ZFHX4: variants seen among roughly 807,000 people sequenced by gnomAD.
The protein encoded by ZFHX4 is zinc finger homeobox 4.
ZFHX4 carries 56 observed loss-of-function variants against 267.6 expected under a neutral mutation model. That is an observed-to-expected ratio of 0.21 (90% CI 0.17 to 0.26). The LOEUF (loss-of-function observed/expected upper bound fraction) is 0.26. Ranked by LOEUF, ZFHX4 falls within the 10% of genes least tolerant of loss-of-function variation. The probability of loss-of-function intolerance (pLI) is 1.00; values close to 1 mark genes in which losing one functional copy is unlikely to be tolerated. For missense variants in ZFHX4, 4,332 were observed against 4,420.0 expected, an observed-to-expected ratio of 0.98 and a Z score of 0.56; for synonymous variants, 1,778 against 1,665.6, an observed-to-expected ratio of 1.07 and a Z score of -1.64.
intron 3 of ZFHX4, among the ~76,000 whole-genome samples, chr8:76,719,166 GTGT>G: frequency 1.4e-5 from 2 of 147,378 alleles, no homozygotes; most frequent in African/African-American, 4.9e-5. Flanking sequence ...GTGTGTGTGT[GTGT>G]GTGTGTGTGT....
intron 3 of ZFHX4, among the ~76,000 whole-genome samples, chr8:76,737,910 A>G (rs1055427422): frequency 4.6e-5 from 7 of 152,168 alleles, no homozygotes; most frequent in Admixed American, 2.0e-4. Context: ...GAATTATTTC[A>G]TGCCCTGTGA....
chr8:76,860,276 ACT>A (rs1164361174), intron 10 of ZFHX4, among the ~76,000 whole-genome samples: 3 of 151,998 alleles, frequency 2.0e-5, no homozygotes, highest in African/African-American at 4.8e-5. Context: ...TCATTATTTA[ACT>A]CAGCTTTTTG....
intron 3 of ZFHX4, among the ~76,000 whole-genome samples, chr8:76,711,668 C>A (rs1402591376): frequency 1.3e-5 from 2 of 152,128 alleles, no homozygotes; most frequent in Non-Finnish European, 2.9e-5. Context: ...TAAAGAAACT[C>A]CTTTACTTCC....
At position 76,863,842 on chromosome 8, in the gene ZFHX4, C is replaced by T. The variant is rs766976612; in HGVS notation, c.10128C>T (p.Ser3376=). 18 of 1,554,034 alleles carry T rather than the reference C, an allele frequency of 1.2e-5. No individual in the cohort carries two copies. Among genetic ancestry groups the T allele is most frequent in the Non-Finnish European group, 1.3e-5 (15 of 1,148,210 alleles). Residue 3376 remains serine (S), a synonymous_variant, in exon 11 of 11, where the codon AGC becomes AGT. Transcript: ENST00000651372. Reference sequence around the variant, plus strand: ...AAGACAAAAGTACTGCTACAGAAAGCACAAAAGAAGAACCCCAGTTAGAAT... The same window carrying T: ...AAGACAAAAGTACTGCTACAGAAAGTACAAAAGAAGAACCCCAGTTAGAAT... ...TKEDKSTATE[S]TKEEPQLESK...
In ZFHX4 at chr8:76,704,942, T is replaced by C; in HGVS notation, c.854T>C (p.Leu285Ser). The C allele has an allele frequency of 6.2e-7, 1 of 1,614,048 alleles. No individual in the cohort carries two copies. The highest frequency in any genetic ancestry group is 8.5e-7 in the Non-Finnish European group (1 of 1,179,900). The part of the protein sequence containing the change: ...KPVLMCFLCK[L>S]SFGYIRSFVT... ...GTTTTAATGTGTTTCTTGTGCAAGTTGTCTTTTGGTTATATCAGGTCATTT... is the reference window on the plus strand; with the variant it reads ...GTTTTAATGTGTTTCTTGTGCAAGTCGTCTTTTGGTTATATCAGGTCATTT... Residue 285 changes from leucine to serine, a missense_variant, in exon 2 of 11, where the codon TTG becomes TCG. This residue lies in a region of ZFHX4 where 1,195 missense variants were observed against 1,173.6 expected (regional missense o/e 1.02). Coordinates refer to ENST00000651372, the MANE Select transcript of ZFHX4 (RefSeq NM_024721.5).
chr8:76,790,666 A>C (rs937078861), intron 4 of ZFHX4, among the ~76,000 whole-genome samples: 1 of 152,294 alleles, frequency 6.6e-6, no homozygotes, highest in Admixed American at 6.5e-5. Context: ...TGAAAGGAAT[A>C]AATCTCTGGC....
rs1401770599 is a variant in ZFHX4 at position 76,866,649 on chromosome 8, G to A, written c.*2084G>A. ...TGAATGTTAAGCAGCAGCATTGTGA[G>A]ATCGATCTGTCCTGGCAGTTAACAC... On this transcript the variant is annotated 3_prime_UTR_variant, in exon 11 of 11. Coordinates refer to ENST00000651372, the MANE Select transcript of ZFHX4 (RefSeq NM_024721.5). 6.6e-6 allele frequency: 1 copy of A among 152,464 alleles called. No homozygotes were observed. Among genetic ancestry groups the A allele is most frequent in the African/African-American group, 2.4e-5 (1 of 41,404 alleles). The allele number at this position is 152,464 out of a possible 1,614,324, so 9.4% of individuals were successfully genotyped here.
chr8:76,766,772 A>C (rs1437222550), intron 3 of ZFHX4, among the ~76,000 whole-genome samples: 1 of 152,060 alleles, frequency 6.6e-6, no homozygotes, highest in Non-Finnish European at 1.5e-5. Flanking sequence ...TAATATTATA[A>C]TTTTTAAAAG....
chr8:76,707,682 C>T lies in ZFHX4; in HGVS notation c.2727C>T (p.Cys909=), dbSNP rs1313540094. The T allele has an allele frequency of 6.2e-7, 1 of 1,613,800 alleles. No individual in the cohort carries two copies. Among genetic ancestry groups the T allele is most frequent in the Non-Finnish European group, 8.5e-7 (1 of 1,179,900 alleles). ...TGAAGCTATTCCAGTGTGCTGTTTG[C>T]AACAAATTCACCTCTGACAGCCTGG... The part of the protein sequence containing the change: ...PALKLFQCAV[C]NKFTSDSLEA... Residue 909 remains cysteine (C), a synonymous_variant, in exon 3 of 11, where the codon TGC becomes TGT. Coordinates refer to ENST00000651372, the MANE Select transcript of ZFHX4 (RefSeq NM_024721.5).
chr8:76,843,782 A>C (rs1563553804), intron 6 of ZFHX4, among the ~76,000 whole-genome samples: 1 of 152,150 alleles, frequency 6.6e-6, no homozygotes, highest in African/African-American at 2.4e-5. Flanking sequence ...TGTGCAAAAA[A>C]TATCATTTTT....
chr8:76,782,879 T>G (rs1810587818), intron 4 of ZFHX4, among the ~76,000 whole-genome samples: 2 of 152,038 alleles, frequency 1.3e-5, no homozygotes, highest in Admixed American at 1.3e-4. Flanking sequence ...GGGACTCTAT[T>G]GATATTAATT....
chr8:76,852,719 A>G lies in ZFHX4; in HGVS notation c.5798A>G (p.Lys1933Arg). ...QYNENRQKVQ[K>R]KGKSGEGENT... ...AACGAAAACAGGCAGAAGGTACAGA[A>G]GAAGGGCAAAAGTGGTGAAGGCGAA... Residue 1933 changes from lysine to arginine, a missense_variant, in exon 10 of 11, where the codon AAG becomes AGG. Transcript: ENST00000651372. 6.2e-7 allele frequency: 1 copy of G among 1,613,936 alleles called. No homozygotes were observed. The highest frequency in any genetic ancestry group is 8.5e-7 in the Non-Finnish European group (1 of 1,179,866).
At chr8:76,845,559 C>A (rs1237257217) in intron 6 of ZFHX4, among the ~76,000 whole-genome samples, 2 of 151,902 alleles carry the variant, frequency 1.3e-5, no homozygotes, top group Non-Finnish European at 2.9e-5. Context: ...TCTGTTATAT[C>A]CAAGTTTTAT....
chr8:76,784,768 A>G (rs940395028), intron 4 of ZFHX4, among the ~76,000 whole-genome samples: 3 of 152,108 alleles, frequency 2.0e-5, no homozygotes, highest in East Asian at 1.9e-4. Flanking sequence ...AATTTTTTTA[A>G]AACTCAAGTG....
intron 4 of ZFHX4, among the ~76,000 whole-genome samples, chr8:76,800,409 T>G (rs1237946615): frequency 6.6e-6 from 1 of 152,160 alleles, no homozygotes; most frequent in Non-Finnish European, 1.5e-5. Context: ...ATTTATTACC[T>G]CAGGAGCGAA....
intron 4 of ZFHX4, among the ~76,000 whole-genome samples, chr8:76,806,402 G>T (rs147751101): frequency 2.5e-4 from 38 of 152,238 alleles, no homozygotes; most frequent in African/African-American, 8.7e-4. Flanking sequence ...AAAGCCTGCT[G>T]TGAGAAAGGT....
intron 4 of ZFHX4, among the ~76,000 whole-genome samples, chr8:76,794,881 G>C (rs1320814905): frequency 6.6e-6 from 1 of 151,510 alleles, no homozygotes; most frequent in East Asian, 1.9e-4. Context: ...CATTGTGTGT[G>C]TGTGTGTGTG....
rs561144952 is a variant in ZFHX4, at chr8:76,686,304, T to C, written c.-47+4684T>C. On this transcript the variant is annotated intron_variant, in intron 1 of 10. Transcript: ENST00000651372. ...GCTGTTTGTTTTTCTTCAAGATTCCTGTCTATTTGGGTTTGAAAAGTCATG... is the reference window on the plus strand; with the variant it reads ...GCTGTTTGTTTTTCTTCAAGATTCCCGTCTATTTGGGTTTGAAAAGTCATG... Among the ~76,000 whole-genome samples the C allele has an allele frequency of 3.3e-4, 50 of 152,332 alleles. No homozygotes were observed. In the South Asian group the frequency reaches 8.1e-3, roughly 25 times the overall value.
intron 3 of ZFHX4, among the ~76,000 whole-genome samples, chr8:76,734,588 G>T (rs755664064): frequency 2.0e-4 from 31 of 152,098 alleles, no homozygotes; most frequent in Non-Finnish European, 3.8e-4. Context: ...TGGCTAAACA[G>T]CAGGGGTTTG....
Sources: gnomAD v4.1 joint callset for allele counts (sites outside exome capture counted in the v4.1 genomes callset) on GRCh38, gnomAD v4.1.1 for gene constraint, gnomAD v4.1.1 regional missense constraint, MANE v1.5 for transcripts, NCBI Gene and HGNC (gene_info 2026-07-23, HGNC 2026-07-21) for gene names.